The following TRAPPC9 variants were observed in gnomAD, a reference collection of about 807,000 sequenced individuals.
The protein encoded by TRAPPC9 is IKK2 binding protein.
TRAPPC9 carries 83 observed loss-of-function variants against 124.0 expected under a neutral mutation model. The observed-to-expected ratio is 0.67, with a 90% confidence interval of 0.56 to 0.80. The LOEUF (loss-of-function observed/expected upper bound fraction) is 0.80. Ranked by LOEUF, TRAPPC9 falls within the 30% of genes least tolerant of loss-of-function variation. The pLI is 0.00. For synonymous variants in TRAPPC9, 638 were observed against 617.5 expected (o/e 1.03, Z -0.49); for missense variants, 1,302 against 1,508.3 (o/e 0.86, Z 2.27).
At chr8:140,007,097 G>A (rs1296320753) in intron 18 of TRAPPC9, among the ~76,000 whole-genome samples, 1 of 152,168 alleles carries the variant, frequency 6.6e-6, no homozygotes, top group Non-Finnish European at 1.5e-5. Flanking sequence ...CACTCAAGGC[G>A]CACACAGCAA....
At chr8:140,030,876 T>C (rs554910102) in intron 17 of TRAPPC9, among the ~76,000 whole-genome samples, 29 of 152,164 alleles carry the variant, frequency 1.9e-4, no homozygotes, top group African/African-American at 6.7e-4. Flanking sequence ...TGCAAAGGGG[T>C]CAGAGAAACT....
intron 17 of TRAPPC9, among the ~76,000 whole-genome samples, chr8:140,045,077 T>G (rs1423589853): frequency 1.3e-5 from 2 of 152,184 alleles, no homozygotes; most frequent in African/African-American, 4.8e-5. Flanking sequence ...ACCAAGGCAT[T>G]TGACTTCCTG....
chr8:139,907,991 G>T lies in TRAPPC9; in HGVS notation c.2964+2156C>A, dbSNP rs1174466417. Among the ~76,000 whole-genome samples, 2 of 152,186 alleles carry T rather than the reference G, an allele frequency of 1.3e-5. No individual in the cohort carries two copies. The highest frequency in any genetic ancestry group is 2.9e-5 in the Non-Finnish European group (2 of 68,036). On this transcript the variant is annotated intron_variant, in intron 20 of 22. Transcript: ENST00000438773. The surrounding 1 kb of genome is among the most constrained non-coding windows in gnomAD (Gnocchi z 4.7). ...ACAGGATAATGAAACCGCCCCAGGA[G>T]TCAGGTTGCCGACAAGGGTGACGTG...
At chr8:140,358,850 G>A (rs759717007) in intron 9 of TRAPPC9, among the ~76,000 whole-genome samples, 39 of 152,164 alleles carry the variant, frequency 2.6e-4, no homozygotes, top group Non-Finnish European at 2.4e-4. Flanking sequence ...TGACGGGCAA[G>A]AGCCCTTCAT....
chr8:139,731,920 G>C, intron 22 of TRAPPC9, 59 bp downstream of exon 22: 1 of 1,482,654 alleles, frequency 6.7e-7, no homozygotes, highest in African/African-American at 1.4e-5. Flanking sequence ...ACCCAGGGAA[G>C]GGGGGATGAT....
intron 17 of TRAPPC9, among the ~76,000 whole-genome samples, chr8:140,033,651 T>A (rs1840642197): frequency 7.5e-6 from 1 of 133,704 alleles, no homozygotes; most frequent in African/African-American, 2.6e-5. Context: ...CAACTCTTCA[T>A]AATGTGGTTT....
intron 17 of TRAPPC9, among the ~76,000 whole-genome samples, chr8:140,209,200 G>A (rs1320678572): frequency 6.6e-6 from 1 of 152,196 alleles, no homozygotes; most frequent in African/African-American, 2.4e-5. Flanking sequence ...AGTCACTCCC[G>A]TGTCTTTCCT....
chr8:139,964,359 G>A (rs1026883245), intron 19 of TRAPPC9, among the ~76,000 whole-genome samples: 17 of 152,092 alleles, frequency 1.1e-4, no homozygotes, highest in Admixed American at 1.0e-3. Context: ...CACAGGGTGT[G>A]TGGACAATCA....
intron 17 of TRAPPC9, among the ~76,000 whole-genome samples, chr8:140,037,354 C>T (rs985609557): frequency 1.3e-5 from 2 of 151,862 alleles, no homozygotes; most frequent in South Asian, 4.2e-4. Flanking sequence ...ATTATTATTA[C>T]TAAATCAGTA....
At chr8:139,775,795 T>C (rs917663159) in intron 21 of TRAPPC9, among the ~76,000 whole-genome samples, 2 of 152,234 alleles carry the variant, frequency 1.3e-5, no homozygotes, top group South Asian at 2.1e-4. Context: ...TGCCTGGCCA[T>C]GGTCAAGATG....
chr8:140,088,969 C>T (rs902819690), intron 17 of TRAPPC9, among the ~76,000 whole-genome samples: 12 of 152,248 alleles, frequency 7.9e-5, no homozygotes, highest in African/African-American at 2.4e-4. Flanking sequence ...ACATTAATAA[C>T]GTCGATTTCT....
intron 17 of TRAPPC9, among the ~76,000 whole-genome samples, chr8:140,148,888 G>C (rs781021939): frequency 2.1e-4 from 32 of 152,092 alleles, no homozygotes; most frequent in Non-Finnish European, 4.0e-4. Flanking sequence ...GTTGTAATCT[G>C]TTCATACTTT....
At chr8:140,201,684 G>A (rs1256140764) in intron 17 of TRAPPC9, among the ~76,000 whole-genome samples, 2 of 152,158 alleles carry the variant, frequency 1.3e-5, no homozygotes, top group Admixed American at 6.5e-5. Context: ...GTCATACTCT[G>A]AGTCATTTTG....
At chr8:139,867,669 A>C (rs1234760273) in intron 21 of TRAPPC9, among the ~76,000 whole-genome samples, 1 of 152,246 alleles carries the variant, frequency 6.6e-6, no homozygotes, top group Non-Finnish European at 1.5e-5. Flanking sequence ...ATTCCTGCCA[A>C]AAATGTTCAA....
intron 21 of TRAPPC9, among the ~76,000 whole-genome samples, chr8:139,878,229 T>C (rs1022947546): frequency 6.6e-6 from 1 of 152,188 alleles, no homozygotes; most frequent in Non-Finnish European, 1.5e-5. Context: ...ACATGGGAAA[T>C]GCTTATACTT....
chr8:139,933,769 T>C (rs532246211), intron 19 of TRAPPC9: 1 of 152,390 alleles, frequency 6.6e-6, no homozygotes, highest in African/African-American at 2.4e-5. Context: ...ATATTTGAGA[T>C]TAACCAAAGT....
At chr8:140,316,469 T>C (rs559441993) in intron 9 of TRAPPC9, among the ~76,000 whole-genome samples, 1 of 152,322 alleles carries the variant, frequency 6.6e-6, no homozygotes, top group South Asian at 2.1e-4. Flanking sequence ...CATGAAGGGA[T>C]GCTGAATTTT....
chr8:139,731,018 G>T lies in TRAPPC9; in HGVS notation c.*43C>A. 6.2e-7 allele frequency: 1 copy of T among 1,604,252 alleles called. No individual in the cohort carries two copies. The highest frequency in any genetic ancestry group is 1.1e-5 in the South Asian group (1 of 90,552). ...CAGGGGGTGTGGGAGGCCAGGCAGG[G>T]TCACCTCTGGCCCTGCAGAAAGAGG... On this transcript the variant is annotated 3_prime_UTR_variant, in exon 23 of 23. Transcript: ENST00000438773.
intron 9 of TRAPPC9, among the ~76,000 whole-genome samples, chr8:140,328,897 C>T (rs541203365): frequency 2.0e-5 from 3 of 152,120 alleles, no homozygotes; most frequent in South Asian, 2.1e-4. Context: ...CTGAGGGTGA[C>T]GGCTTTGGGG....
Sources: gnomAD v4.1 joint callset for allele counts (sites outside exome capture counted in the v4.1 genomes callset) on GRCh38, gnomAD v4.1.1 for gene constraint, Gnocchi (gnomAD v3.1) non-coding constraint, MANE v1.5 for transcripts, NCBI Gene and HGNC (gene_info 2026-07-23, HGNC 2026-07-21) for gene names.